Variants in RRBP1 observed in about 807,000 individuals in gnomAD.
RRBP1 encodes ribosome-binding protein 1.
RRBP1 carries 94 observed loss-of-function variants against 165.2 expected under a neutral mutation model. That is an observed-to-expected ratio of 0.57 (90% confidence interval 0.48 to 0.68). The LOEUF is 0.68. RRBP1 is among the 30% of genes least tolerant of loss of function. The pLI is 0.00. For synonymous variants in RRBP1, 680 were observed against 714.5 expected (o/e 0.95, Z 0.77); for missense variants, 1,676 against 1,763.0 (o/e 0.95, Z 0.88).
Position 17,613,898 on chromosome 20 carries a change from A to G in RRBP1, c.*284T>C, listed in dbSNP as rs2035739255. The G allele has an allele frequency of 2.5e-6, 1 of 394,270 alleles. No homozygotes were observed. The highest frequency in any genetic ancestry group is 3.7e-5 in the South Asian group (1 of 26,690). 24.4% of individuals were successfully genotyped at this position (394,270 alleles called of 1,614,324 possible). On this transcript the variant is annotated 3_prime_UTR_variant, in exon 25 of 25. Transcript: ENST00000377813. ...CCCCAGAGCGCCCGGCCTCCCACAC[A>G]CCCACGGGGCTGTCAGAGTCAACCA...
intron 2 of RRBP1, among the ~76,000 whole-genome samples, chr20:17,666,427 G>A (rs145107676): frequency 1.8e-3 from 280 of 152,030 alleles, no homozygotes; most frequent in African/African-American, 4.1e-3. Context: ...TTTTGTTGAT[G>A]GTTAGAATAC....
chr20:17,658,894 TTTGCCTTGG>T lies in RRBP1; in HGVS notation c.1605_1613del (p.Asn535_Gly537del). 1.2e-6 allele frequency: 2 copies of T among 1,613,510 alleles called. No individual in the cohort carries two copies. Among genetic ancestry groups the T allele is most frequent in the Non-Finnish European group, 1.7e-6 (2 of 1,179,886 alleles). Reference sequence around the variant, plus strand: ...CCTGGATGGGAGCTCCCTCTCCTTTTTTGCCTTGGTTGGGACTCCTTTCTGCCTTTTTGC... The same window carrying T: ...CCTGGATGGGAGCTCCCTCTCCTTTTTTGGGACTCCTTTCTGCCTTTTTGC... On this transcript the variant is annotated inframe_deletion, in exon 3 of 25. Coordinates refer to ENST00000377813, the MANE Select transcript of RRBP1 (RefSeq NM_001365613.2).
intron 8 of RRBP1, among the ~76,000 whole-genome samples, chr20:17,631,101 G>A (rs1004721204): frequency 2.6e-5 from 4 of 152,230 alleles, no homozygotes; most frequent in Non-Finnish European, 4.4e-5. Flanking sequence ...CGTAGCAGGG[G>A]ATTACTCAGT....
At chr20:17,649,233 T>C (rs1001916337) in intron 3 of RRBP1, among the ~76,000 whole-genome samples, 1 of 152,204 alleles carries the variant, frequency 6.6e-6, no homozygotes, top group Non-Finnish European at 1.5e-5. Context: ...AAAAAGTATC[T>C]GACTTGATCT....
At chr20:17,641,722 A>G in intron 5 of RRBP1, 75 bp downstream of exon 5, 9 of 1,564,556 alleles carry the variant, frequency 5.8e-6, no homozygotes, top group Non-Finnish European at 7.9e-6. Flanking sequence ...GGAGCCCGGG[A>G]TCCACCGTGG....
chr20:17,629,354 C>T (rs1472691935), intron 9 of RRBP1, among the ~76,000 whole-genome samples: 1 of 152,230 alleles, frequency 6.6e-6, no homozygotes, highest in Non-Finnish European at 1.5e-5. Flanking sequence ...AGCAAGGGAA[C>T]CACAGGCTTG....
chr20:17,641,834 G>C lies in RRBP1; in HGVS notation c.2147C>G (p.Ala716Gly), dbSNP rs146531264. The change falls in exon 5 of 25, where the codon GCG becomes GGG. Residue 716 changes from alanine to glycine, a missense_variant. Around this residue, in one of 5 missense-constraint regions of RRBP1, gnomAD observed 1,184 missense variants for 1,167.1 expected, o/e 1.01. Transcript: ENST00000377813. ...EKLLATEQEDAAVAKSKLREL... is the reference protein window; with the variant it reads ...EKLLATEQEDGAVAKSKLREL... ...CCTCAGTTTGCTCTTGGCGACAGCC[G>C]CATCTTCCTGTTCTGTGGCCAGCAG... The C allele has an allele frequency of 1.2e-6, 2 of 1,613,744 alleles. No individual in the cohort carries two copies. Among genetic ancestry groups the C allele is most frequent in the Middle Eastern group, 1.7e-4 (1 of 5,778 alleles).
At chr20:17,672,344 T>G (rs768060508) in intron 2 of RRBP1, among the ~76,000 whole-genome samples, 11 of 152,242 alleles carry the variant, frequency 7.2e-5, no homozygotes, top group Non-Finnish European at 1.2e-4. Flanking sequence ...AAATATCACC[T>G]GCTCATCAGC....
chr20:17,676,673 G>A (rs1195217750), intron 2 of RRBP1, among the ~76,000 whole-genome samples: 2 of 152,138 alleles, frequency 1.3e-5, no homozygotes, highest in Admixed American at 6.5e-5. Context: ...CACAGTCCAC[G>A]GCTGCCACAC....
rs1490950254 is a variant in RRBP1 at position 17,629,850 on chromosome 20, C to G, written c.2722G>C (p.Ala908Pro). ...GCCATCTGCTGCTGTTGCTCCTGGG[C>G]CTTCTCGGCATCCGCCCGGAGGCTG... ...HASLRADAEK[A>P]QEQQQQMAEL... The change falls in exon 9 of 25, where the codon GCC becomes CCC. Residue 908 changes from alanine to proline, a missense_variant. Ala to Pro is a conservative substitution (Grantham distance 27). Transcript: ENST00000377813. 1 of 1,599,368 alleles carries G rather than the reference C, an allele frequency of 6.3e-7. No homozygotes were observed.
chr20:17,622,446 C>A (rs996102920), intron 13 of RRBP1, among the ~76,000 whole-genome samples: 1 of 151,966 alleles, frequency 6.6e-6, no homozygotes, highest in African/African-American at 2.4e-5. Context: ...GGCGGCACCA[C>A]GGTTAGGGGC....
chr20:17,632,833 G>A (rs774199192), intron 8 of RRBP1, among the ~76,000 whole-genome samples: 16 of 152,128 alleles, frequency 1.1e-4, no homozygotes, highest in Non-Finnish European at 1.8e-4. Flanking sequence ...CATGCTGCCC[G>A]TGTCCCCCTG....
chr20:17,643,968 T>A lies in RRBP1; in HGVS notation c.1913-841A>T, dbSNP rs892195271. Reference sequence around the variant, plus strand: ...TGCCACGCCTGAGTGCCTGGACTCTTCCACAGCTGAATGACAGCACTAAAA... The same window carrying A: ...TGCCACGCCTGAGTGCCTGGACTCTACCACAGCTGAATGACAGCACTAAAA... On this transcript the variant is annotated intron_variant, in intron 3 of 24. Transcript: ENST00000377813. The surrounding 1 kb of genome is among the most constrained non-coding windows in gnomAD (Gnocchi z 4.3). 5.3e-5 allele frequency among the ~76,000 whole-genome samples: 8 copies of A among 152,092 alleles called. No homozygotes were observed. The highest frequency in any genetic ancestry group is 1.2e-4 in the Non-Finnish European group (8 of 68,016).
rs117008244 is a variant in RRBP1, at chr20:17,635,698, C to T, written c.2338-34G>A. On this transcript the variant is annotated intron_variant, in intron 6 of 24. Transcript: ENST00000377813. ...TCACGGGCAAGGGCATCAGAGGCAG[C>T]TCGGCCTCACACACAGAACTGACTT... 1,463 of 1,521,270 alleles carry T rather than the reference C, an allele frequency of 9.6e-4. 15 individuals carry two copies. The East Asian group carries it at 0.024, about 25-fold the overall frequency. 94.2% of individuals were successfully genotyped at this position (1,521,270 alleles called of 1,614,324 possible).
rs543172481 is a variant in RRBP1, at chr20:17,659,028, C to A, written c.1480G>T (p.Gly494Trp). ...GAQNQGKKAE[G>W]AQNQGKKAEG... ...GCCTTTTTGCCCTGGTTCTGAGCCC[C>A]CTCGGCCTTCTTGCCCTGGTTCTGG... is the stretch of plus-strand genomic sequence containing the variant. The change falls in exon 3 of 25, where the codon GGG becomes TGG. Residue 494 changes from glycine (G) to tryptophan (W), a missense_variant. By Grantham distance (184) the Gly-to-Trp change is radical. Around this residue, in one of 5 missense-constraint regions of RRBP1, gnomAD observed 1,184 missense variants for 1,167.1 expected, o/e 1.01. Transcript: ENST00000377813. 1 of 1,575,628 alleles carries A rather than the reference C, an allele frequency of 6.3e-7. No homozygotes were observed. The highest frequency in any genetic ancestry group is 2.3e-5 in the East Asian group (1 of 43,046).
At chr20:17,679,315 G>C (rs1419286603) in intron 2 of RRBP1, among the ~76,000 whole-genome samples, 6 of 152,200 alleles carry the variant, frequency 3.9e-5, no homozygotes, top group African/African-American at 1.4e-4. Context: ...GGCGCTGTCC[G>C]CCTGGTATAA....
chr20:17,655,703 T>C (rs76547938), intron 3 of RRBP1, among the ~76,000 whole-genome samples: 2,338 of 152,312 alleles, frequency 0.015, 88 homozygotes, highest in East Asian at 0.073. Context: ...AAACTACTCA[T>C]CCCTTTGAGG....
chr20:17,643,333 T>C lies in RRBP1; in HGVS notation c.1913-206A>G, dbSNP rs1306139684. On this transcript the variant is annotated intron_variant, in intron 3 of 24. Transcript: ENST00000377813. The surrounding 1 kb of genome is among the most constrained non-coding windows in gnomAD (Gnocchi z 4.3). ...AGAAACTGACTCAACGATAGGTCCCTGCACCGTCCTAACTCGCCCATAGGA... is the reference window on the plus strand; with the variant it reads ...AGAAACTGACTCAACGATAGGTCCCCGCACCGTCCTAACTCGCCCATAGGA... 6.6e-6 allele frequency among the ~76,000 whole-genome samples: 1 copy of C among 151,894 alleles called. No individual in the cohort carries two copies. The highest frequency in any genetic ancestry group is 1.9e-4 in the East Asian group (1 of 5,176).
intron 1 of RRBP1, among the ~76,000 whole-genome samples, chr20:17,681,709 C>CGGGAGGGA (rs1385787761): frequency 1.3e-5 from 2 of 150,374 alleles, no homozygotes; most frequent in Admixed American, 6.6e-5. Flanking sequence ...ACGGCCCTGC[C>CGGGAGGGA]GGGAGGGAGG....
Sources: allele counts gnomAD v4.1 joint callset (sites outside exome capture counted in the v4.1 genomes callset), GRCh38; gene constraint gnomAD v4.1.1; regional missense constraint gnomAD v4.1.1; non-coding constraint Gnocchi (gnomAD v3.1); transcripts MANE v1.5; gene names NCBI Gene and HGNC (gene_info 2026-07-23, HGNC 2026-07-21).